Variants in ABLIM1 observed in about 807,000 individuals in gnomAD.
ABLIM1 encodes actin binding LIM protein 1, also known as actin-binding LIM protein 1.
ABLIM1 carries 40 observed loss-of-function variants against 107.0 expected under a neutral mutation model. The ratio of observed to expected loss-of-function variants is 0.37; its 90% CI spans 0.29 to 0.49. The LOEUF (loss-of-function observed/expected upper bound fraction) is 0.49, where lower values mean the gene tolerates loss of function less well. ABLIM1 is among the 20% of genes least tolerant of loss of function. ABLIM1 has a pLI of 0.97. For missense variants in ABLIM1, 857 were observed against 1,008.5 expected, an observed-to-expected ratio of 0.85 and a Z score of 2.04; for synonymous variants, 357 against 357.3, an observed-to-expected ratio of 1.00 and a Z score of 0.01.
chr10:114,645,123 C>G (rs2078957029), intron 1 of ABLIM1, among the ~76,000 whole-genome samples: 1 of 152,180 alleles, frequency 6.6e-6, no homozygotes, highest in Non-Finnish European at 1.5e-5. Flanking sequence ...GCAATGGAAT[C>G]TGTCAGCGCC....
intron 22 of ABLIM1, among the ~76,000 whole-genome samples, chr10:114,436,845 T>C (rs2138946592): frequency 6.6e-6 from 1 of 152,224 alleles, no homozygotes; most frequent in Non-Finnish European, 1.5e-5. Flanking sequence ...CATTCCCCCC[T>C]AGAAAAGTTC....
intron 1 of ABLIM1, among the ~76,000 whole-genome samples, chr10:114,755,054 A>G (rs1392963737): frequency 6.6e-6 from 1 of 152,174 alleles, no homozygotes; most frequent in Non-Finnish European, 1.5e-5. Context: ...AGGGGTCCCC[A>G]GCCTCTGGGC....
chr10:114,438,927 G>A (rs969499636), intron 21 of ABLIM1, among the ~76,000 whole-genome samples: 1 of 152,204 alleles, frequency 6.6e-6, no homozygotes, highest in African/African-American at 2.4e-5. Flanking sequence ...AGAGGCCAAG[G>A]GAATACCTTG....
chr10:114,677,049 C>G (rs1221608887), intron 1 of ABLIM1, among the ~76,000 whole-genome samples: 1 of 152,088 alleles, frequency 6.6e-6, no homozygotes, highest in African/African-American at 2.4e-5. Context: ...GTTTATCTAC[C>G]TCAAGAAAAA....
chr10:114,783,621 G>A, the ABLIM1 span, among the ~76,000 whole-genome samples: 1 of 151,970 alleles, frequency 6.6e-6, no homozygotes, highest in South Asian at 2.1e-4. Flanking sequence ...AACCAGGAGT[G>A]GGTGGTATTG....
intron 1 of ABLIM1, among the ~76,000 whole-genome samples, chr10:114,618,891 G>T (rs1276041767): frequency 3.2e-4 from 49 of 152,102 alleles, no homozygotes; most frequent in Admixed American, 3.2e-3. Flanking sequence ...GGTTTTCATG[G>T]CAGGGATGGC....
chr10:114,692,899 C>A (rs970532152), intron 1 of ABLIM1, among the ~76,000 whole-genome samples: 17 of 151,716 alleles, frequency 1.1e-4, no homozygotes, highest in Admixed American at 5.3e-4. Flanking sequence ...CACACACACA[C>A]AAAAAAAATG....
At chr10:114,633,389 G>C (rs961088930) in intron 1 of ABLIM1, among the ~76,000 whole-genome samples, 4 of 152,108 alleles carry the variant, frequency 2.6e-5, no homozygotes, top group Admixed American at 2.6e-4. Flanking sequence ...ATGTGTAACA[G>C]TAGCACAGCT....
At chr10:114,634,649 A>C (rs1223669200) in intron 1 of ABLIM1, among the ~76,000 whole-genome samples, 7 of 152,164 alleles carry the variant, frequency 4.6e-5, no homozygotes, top group Admixed American at 4.6e-4. Flanking sequence ...TTTCTAAAGG[A>C]AAATACTACA....
At chr10:114,507,890 T>C (rs75543351) in intron 6 of ABLIM1, among the ~76,000 whole-genome samples, 3,035 of 152,236 alleles carry the variant, frequency 0.02, 46 homozygotes, top group Non-Finnish European at 0.03. Flanking sequence ...CCCCCCTGAG[T>C]TCTGGAGTAA....
intron 1 of ABLIM1, among the ~76,000 whole-genome samples, chr10:114,656,830 CAGATTAT>C (rs2079548836): frequency 6.6e-6 from 1 of 152,138 alleles, no homozygotes; most frequent in African/African-American, 2.4e-5. Context: ...CGAAAGACCA[CAGATTAT>C]AAATTCCATT....
intron 2 of ABLIM1, among the ~76,000 whole-genome samples, chr10:114,582,885 G>A (rs879743001): frequency 3.3e-5 from 5 of 152,112 alleles, no homozygotes; most frequent in Non-Finnish European, 4.4e-5. Flanking sequence ...AGGCTTAAGG[G>A]TAAGACCTAA....
intron 4 of ABLIM1, among the ~76,000 whole-genome samples, chr10:114,549,017 C>T (rs2067706602): frequency 6.6e-6 from 1 of 152,230 alleles, no homozygotes; most frequent in Non-Finnish European, 1.5e-5. Flanking sequence ...GAGACCCAAT[C>T]GCTGACCTGG....
At chr10:114,504,603 C>T (rs1030395858) in intron 6 of ABLIM1, among the ~76,000 whole-genome samples, 9 of 152,160 alleles carry the variant, frequency 5.9e-5, no homozygotes, top group Admixed American at 2.0e-4. Flanking sequence ...GCCAGGAAAA[C>T]GATTCTGGTC....
intron 10 of ABLIM1, among the ~76,000 whole-genome samples, chr10:114,472,705 A>T (rs554314752): frequency 6.6e-6 from 1 of 151,860 alleles, no homozygotes; most frequent in Non-Finnish European, 1.5e-5. Context: ...CAGCTCACAC[A>T]ATCCCCACCC....
intron 4 of ABLIM1, among the ~76,000 whole-genome samples, chr10:114,558,769 A>G (rs373451221): frequency 1.3e-5 from 2 of 152,194 alleles, no homozygotes; most frequent in African/African-American, 4.8e-5. Flanking sequence ...AATAAATAGA[A>G]ATAGTAATAA....
intron 4 of ABLIM1, among the ~76,000 whole-genome samples, chr10:114,559,148 T>C (rs1387542795): frequency 1.3e-5 from 2 of 152,056 alleles, no homozygotes; most frequent in African/African-American, 4.8e-5. Context: ...AGGATGTCAA[T>C]ATCATAGGGA....
At chr10:114,488,987 G>C (rs959575870) in intron 7 of ABLIM1, among the ~76,000 whole-genome samples, 1 of 152,026 alleles carries the variant, frequency 6.6e-6, no homozygotes, top group South Asian at 2.1e-4. Flanking sequence ...GAATATCAGA[G>C]TTTCCACATT....
At chr10:114,526,890 C>CG in intron 6 of ABLIM1, 1 of 985,470 alleles carries the variant, frequency 1.0e-6, no homozygotes, top group Non-Finnish European at 1.2e-6. Flanking sequence ...GCCCCGTGTG[C>CG]GGCGGGCAGG....
Sources: gnomAD v4.1 joint callset for allele counts (sites outside exome capture counted in the v4.1 genomes callset) on GRCh38, gnomAD v4.1.1 for gene constraint, MANE v1.5 for transcripts, NCBI Gene and HGNC (gene_info 2026-07-23, HGNC 2026-07-21) for gene names.